SYNE1: variants seen among roughly 807,000 people sequenced by gnomAD.
SYNE1 encodes nesprin-1.
In SYNE1, 616 loss-of-function variants were observed where a neutral mutation model predicts 1,111.0. The observed-to-expected ratio is 0.55, with a 90% confidence interval of 0.52 to 0.59. The LOEUF is 0.59. Among genes scored for constraint, SYNE1 ranks in the 20% least tolerant of loss-of-function variants. The pLI, the probability that SYNE1 is intolerant of heterozygous loss-of-function variation, is 0.00. For missense variants in SYNE1, 10,006 were observed against 10,417.0 expected (o/e 0.96, Z 1.72); for synonymous variants, 3,855 against 3,825.8 (o/e 1.01, Z -0.28).
intron 127 of SYNE1, among the ~76,000 whole-genome samples, chr6:152,190,546 T>C (rs1408436366): frequency 6.6e-6 from 1 of 152,226 alleles, no homozygotes; most frequent in Admixed American, 6.5e-5. Context: ...AATATGGTAT[T>C]CATCACCTGA....
chr6:152,572,035 C>T (rs1009553485), intron 3 of SYNE1, among the ~76,000 whole-genome samples: 1 of 152,108 alleles, frequency 6.6e-6, no homozygotes, highest in Admixed American at 6.5e-5. Context: ...GTGGGGGCAG[C>T]TTTATCACCG....
chr6:152,285,013 T>C (rs901189430), intron 95 of SYNE1, among the ~76,000 whole-genome samples: 4 of 152,156 alleles, frequency 2.6e-5, no homozygotes, highest in African/African-American at 7.2e-5. Flanking sequence ...TTTCAAATGC[T>C]TTCTAATCCT....
chr6:152,326,541 T>C lies in SYNE1; in HGVS notation c.15048A>G (p.Leu5016=). Residue 5016 remains leucine, a synonymous_variant, in exon 79 of 146, where the codon TTA becomes TTG. Transcript: ENST00000367255. ...NDWLEDAQEL[L]QLAGNGLDVE... ...CGTCTAGGCCATTGCCTGCCAGCTG[T>C]AACAATTCTTGGGCATCCTCAAGCC... is the stretch of plus-strand genomic sequence containing the variant. The C allele has an allele frequency of 1.2e-6, 2 of 1,614,196 alleles. No individual in the cohort carries two copies. Among genetic ancestry groups the C allele is most frequent in the Non-Finnish European group, 1.7e-6 (2 of 1,180,032 alleles).
At chr6:152,347,836 A>G (rs2096665257) in intron 72 of SYNE1, among the ~76,000 whole-genome samples, 1 of 148,820 alleles carries the variant, frequency 6.7e-6, no homozygotes, top group Non-Finnish European at 1.5e-5. Flanking sequence ...GCCCACCACC[A>G]CACCTGGCTA....
intron 117 of SYNE1, 28 bp from the exon 118 acceptor site, chr6:152,221,587 A>G (rs766271760): frequency 6.2e-7 from 1 of 1,613,256 alleles, no homozygotes; most frequent in South Asian, 1.1e-5. Flanking sequence ...CCCATAGATG[A>G]CATAACAGGA....
intron 3 of SYNE1, among the ~76,000 whole-genome samples, chr6:152,562,303 GACATCACAAA>G (rs2099397590): frequency 6.6e-6 from 1 of 152,002 alleles, no homozygotes; most frequent in Non-Finnish European, 1.5e-5. Context: ...AAAAATGCTC[GACATCACAAA>G]ACATCAGGGA....
intron 78 of SYNE1, among the ~76,000 whole-genome samples, chr6:152,327,283 A>G (rs962786446): frequency 6.6e-6 from 1 of 151,924 alleles, no homozygotes; most frequent in Admixed American, 6.6e-5. Flanking sequence ...CAAAAAACAA[A>G]CAAACAAACA....
In SYNE1 at chr6:152,358,428, T is replaced by G; in HGVS notation, c.10553A>C (p.Tyr3518Ser). 1 of 1,614,194 alleles carries G rather than the reference T, an allele frequency of 6.2e-7. No homozygotes were observed. The highest frequency in any genetic ancestry group is 8.5e-7 in the Non-Finnish European group (1 of 1,180,030). Residue 3518 changes from tyrosine to serine, a missense_variant, in exon 66 of 146, where the codon TAT becomes TCT. Transcript: ENST00000367255. ...LGQEQEKLDQ[Y>S]SVLEGDAHTH... ...GTGGGCATCACCTTCAAGAACTGAA[T>G]ACTGGTCGAGCTTTTCTTGTTCTTG...
intron 14 of SYNE1, among the ~76,000 whole-genome samples, chr6:152,473,394 A>C (rs2098817650): frequency 6.6e-6 from 1 of 152,228 alleles, no homozygotes; most frequent in Non-Finnish European, 1.5e-5. Context: ...ATCAAGAGAC[A>C]CACTTGGTGG....
chr6:152,465,777 A>ACACACACC lies in SYNE1; in HGVS notation c.1729+204_1729+205insGGTGTGTG, dbSNP rs1378773571. Among the ~76,000 whole-genome samples, 11 of 151,138 alleles carry ACACACACC rather than the reference A, an allele frequency of 7.3e-5. No individual in the cohort carries two copies. In the East Asian group the frequency reaches 2.1e-3, roughly 29 times the overall value. ...CTTAGAAGAACACATACACACACAC[A>ACACACACC]CACACACACACACACACACAATGAT... On this transcript the variant is annotated intron_variant, in intron 17 of 145. Transcript: ENST00000367255.
At chr6:152,539,864 G>T in intron 4 of SYNE1, 96 bp downstream of exon 4, 1 of 1,313,144 alleles carries the variant, frequency 7.6e-7, no homozygotes, top group Non-Finnish European at 1.1e-6. Flanking sequence ...ATTCGCAACA[G>T]TGACAACAGG....
At chr6:152,510,923 T>A in intron 7 of SYNE1, 88 bp downstream of exon 7, 1 of 1,180,336 alleles carries the variant, frequency 8.5e-7, no homozygotes, top group Admixed American at 1.7e-5. Flanking sequence ...ACCCCAAAGA[T>A]ATGGCAAATG....
At chr6:152,466,515 G>A (rs1212644935) in intron 16 of SYNE1, among the ~76,000 whole-genome samples, 2 of 152,096 alleles carry the variant, frequency 1.3e-5, no homozygotes, top group Non-Finnish European at 2.9e-5. Context: ...AAATGACGGT[G>A]CACAAATGCT....
At position 152,629,361 on chromosome 6, in the gene SYNE1, C is replaced by T. The variant is rs997228863; in HGVS notation, c.-223-807G>A. ...CTGGGATTACAGGCGTATACCACCA[C>T]GCCTGGCTAATTTTTGTGTTTTTTA... On this transcript the variant is annotated intron_variant, in intron 2 of 145. Transcript: ENST00000367255. Among the ~76,000 whole-genome samples, 5 of 151,824 alleles carry T rather than the reference C, an allele frequency of 3.3e-5. No individual in the cohort carries two copies. The East Asian group carries it at 5.8e-4, about 18-fold the overall frequency.
chr6:152,313,854 C>T (rs865789172), intron 87 of SYNE1, among the ~76,000 whole-genome samples: 1 of 152,168 alleles, frequency 6.6e-6, no homozygotes, highest in African/African-American at 2.4e-5. Flanking sequence ...GCTTCTGAGC[C>T]AGATCATCTC....
chr6:152,224,765 AG>A, intron 116 of SYNE1, 101 bp from the exon 117 acceptor site: 1 of 1,205,696 alleles, frequency 8.3e-7, no homozygotes, highest in Non-Finnish European at 1.2e-6. Context: ...GAACTTCATC[AG>A]GGTTTCAGGT....
intron 104 of SYNE1, among the ~76,000 whole-genome samples, chr6:152,253,367 T>A (rs1384397045): frequency 6.6e-6 from 1 of 152,194 alleles, no homozygotes; most frequent in Non-Finnish European, 1.5e-5. Flanking sequence ...GCTGAGTGTT[T>A]ACTATGTATC....
intron 39 of SYNE1, among the ~76,000 whole-genome samples, chr6:152,420,326 A>G (rs2098236698): frequency 6.6e-6 from 1 of 152,212 alleles, no homozygotes; most frequent in Non-Finnish European, 1.5e-5. Flanking sequence ...TGAACTAAGA[A>G]AAAACTTCCA....
In SYNE1 at chr6:152,213,498, C is replaced by G. The variant is rs1178545709; in HGVS notation, c.22494+114G>C. On this transcript the variant is annotated intron_variant, in intron 123 of 145. Transcript: ENST00000367255. Reference sequence around the variant, plus strand: ...AAGAAAGAAGGCAAAATGATGCATGCATTTAGACACTCGTGCAAAGGGCAT... The same window carrying G: ...AAGAAAGAAGGCAAAATGATGCATGGATTTAGACACTCGTGCAAAGGGCAT... The G allele has an allele frequency of 3.4e-6, 4 of 1,171,168 alleles. No homozygotes were observed. The Admixed American group carries it at 6.8e-5, about 20-fold the overall frequency. The allele number at this position is 1,171,168 out of a possible 1,614,324, so 72.5% of individuals were successfully genotyped here. A position where few individuals can be genotyped will look rare whatever the true frequency, so the allele number is the denominator to read the frequency against.
Sources: gnomAD v4.1 joint callset for allele counts (sites outside exome capture counted in the v4.1 genomes callset) on GRCh38, gnomAD v4.1.1 for gene constraint, MANE v1.5 for transcripts, NCBI Gene and HGNC (gene_info 2026-07-23, HGNC 2026-07-21) for gene names.